The following R3HCC1L variants were observed in gnomAD, a reference collection of about 807,000 sequenced individuals.
The protein encoded by R3HCC1L is coiled-coil domain-containing protein R3HCC1L.
In R3HCC1L, 51 loss-of-function variants were observed where a neutral mutation model predicts 59.9. That is an observed-to-expected ratio of 0.85 (90% CI 0.68 to 1.07). R3HCC1L has a LOEUF of 1.07. Among genes scored for constraint, R3HCC1L ranks in the 50% least tolerant of loss-of-function variants. R3HCC1L has a pLI of 0.00. For missense variants in R3HCC1L, 965 were observed against 933.0 expected, an observed-to-expected ratio of 1.03 and a Z score of -0.45; for synonymous variants, 322 against 315.2, an observed-to-expected ratio of 1.02 and a Z score of -0.23.
intron 4 of R3HCC1L, among the ~76,000 whole-genome samples, chr10:98,194,177 C>T (rs1851166203): frequency 6.6e-6 from 1 of 151,990 alleles, no homozygotes; most frequent in East Asian, 1.9e-4. Context: ...AGAAATAAAC[C>T]CACGTATAGT....
chr10:98,151,559 ATATAAT>A (rs1236397150), intron 1 of R3HCC1L, among the ~76,000 whole-genome samples: 7 of 152,186 alleles, frequency 4.6e-5, no homozygotes, highest in African/African-American at 1.7e-4. Flanking sequence ...TTATGTTCCT[ATATAAT>A]TATGTCGCAT....
At chr10:98,237,040 G>A (rs1444182319) in intron 9 of R3HCC1L, among the ~76,000 whole-genome samples, 1 of 152,160 alleles carries the variant, frequency 6.6e-6, no homozygotes, top group African/African-American at 2.4e-5. Context: ...AATACGTCCT[G>A]TCCTCTCTGC....
rs1857882670 is a variant in R3HCC1L at position 98,244,355 on chromosome 10, C to A, written c.*197C>A. 1.9e-6 allele frequency: 1 copy of A among 516,254 alleles called. No individual in the cohort carries two copies. Among genetic ancestry groups the A allele is most frequent in the Non-Finnish European group, 3.5e-6 (1 of 289,702 alleles). 32.0% of individuals were successfully genotyped at this position (516,254 alleles called of 1,614,324 possible). On this transcript the variant is annotated 3_prime_UTR_variant, in exon 10 of 10. Transcript: ENST00000298999. Reference sequence around the variant, plus strand: ...TCCTAAATGCAGTTCTTTGGAATCACCCTACTGTGGTGGGCGTAGTAGGGA... The same window carrying A: ...TCCTAAATGCAGTTCTTTGGAATCAACCTACTGTGGTGGGCGTAGTAGGGA...
chr10:98,207,006 T>C (rs756107307), intron 4 of R3HCC1L, among the ~76,000 whole-genome samples: 2 of 152,340 alleles, frequency 1.3e-5, no homozygotes, highest in Non-Finnish European at 2.9e-5. Context: ...GCCATGAGAA[T>C]AGAGCTTTTT....
intron 4 of R3HCC1L, among the ~76,000 whole-genome samples, chr10:98,170,116 T>C (rs1848375329): frequency 6.6e-6 from 1 of 152,186 alleles, no homozygotes; most frequent in Non-Finnish European, 1.5e-5. Flanking sequence ...TCAGCACAAT[T>C]AACTTCCTGA....
intron 4 of R3HCC1L, among the ~76,000 whole-genome samples, chr10:98,201,329 GTTGCATAGTTTT>G (rs1371148994): frequency 1.3e-5 from 2 of 152,132 alleles, no homozygotes; most frequent in Non-Finnish European, 2.9e-5. Flanking sequence ...ATATCTTTCT[GTTGCATAGTTTT>G]TTGCATATCA....
intron 4 of R3HCC1L, among the ~76,000 whole-genome samples, chr10:98,167,632 C>T (rs1291837487): frequency 9.2e-5 from 14 of 152,220 alleles, no homozygotes; most frequent in Admixed American, 7.2e-4. Flanking sequence ...ATTTTTACCC[C>T]AACATAATTT....
chr10:98,192,234 G>A lies in R3HCC1L; in HGVS notation c.-14-15867G>A, dbSNP rs115550103. Among the ~76,000 whole-genome samples the A allele has an allele frequency of 7.5e-3, 1,143 of 151,756 alleles. 13 individuals carry two copies. Among genetic ancestry groups the A allele is most frequent in the African/African-American group, 0.026 (1,087 of 41,348 alleles). On this transcript the variant is annotated intron_variant, in intron 4 of 9. Transcript: ENST00000298999. Reference sequence around the variant, plus strand: ...GAAAAAAATTGGAAAAACTGGCTTAGGAACCTATGCTTTTAGGTAAGTCTT... The same window carrying A: ...GAAAAAAATTGGAAAAACTGGCTTAAGAACCTATGCTTTTAGGTAAGTCTT...
chr10:98,228,743 C>A (rs1855979596), intron 5 of R3HCC1L, among the ~76,000 whole-genome samples: 1 of 152,134 alleles, frequency 6.6e-6, no homozygotes, highest in South Asian at 2.1e-4. Context: ...TTTAATCCAT[C>A]TTGAATTAAT....
At chr10:98,226,691 C>G (rs1437484785) in intron 5 of R3HCC1L, among the ~76,000 whole-genome samples, 2 of 152,208 alleles carry the variant, frequency 1.3e-5, no homozygotes, top group Non-Finnish European at 2.9e-5. Context: ...GTAACCAAAA[C>G]AGTGTGGCAC....
intron 4 of R3HCC1L, among the ~76,000 whole-genome samples, chr10:98,187,013 C>T (rs770437012): frequency 2.0e-5 from 3 of 152,000 alleles, no homozygotes; most frequent in Non-Finnish European, 4.4e-5. Flanking sequence ...TAATTATATA[C>T]ACCTTGAAGA....
At chr10:98,186,203 A>ACT (rs1850211965) in intron 4 of R3HCC1L, among the ~76,000 whole-genome samples, 1 of 152,204 alleles carries the variant, frequency 6.6e-6, no homozygotes, top group Non-Finnish European at 1.5e-5. Context: ...TAAGTCAGAA[A>ACT]AAGAGAAAAG....
intron 4 of R3HCC1L, among the ~76,000 whole-genome samples, chr10:98,206,272 C>T (rs1054043644): frequency 6.8e-6 from 1 of 147,914 alleles, no homozygotes. Context: ...GCCTTTAGAT[C>T]TTTCTTTATG....
At chr10:98,239,444 C>T (rs529498373) in intron 9 of R3HCC1L, among the ~76,000 whole-genome samples, 36 of 152,096 alleles carry the variant, frequency 2.4e-4, no homozygotes, top group African/African-American at 3.4e-4. Flanking sequence ...TTCTTTCTCC[C>T]GCTTGAAGAC....
chr10:98,206,905 A>G (rs1226053654), intron 4 of R3HCC1L, among the ~76,000 whole-genome samples: 3 of 152,214 alleles, frequency 2.0e-5, no homozygotes, highest in Admixed American at 1.3e-4. Flanking sequence ...GTTAACTAAG[A>G]TACCAAAAGA....
chr10:98,173,612 A>G (rs1360443246), intron 4 of R3HCC1L, among the ~76,000 whole-genome samples: 2 of 152,024 alleles, frequency 1.3e-5, no homozygotes, highest in African/African-American at 4.8e-5. Flanking sequence ...ATTACTGAAG[A>G]GGTGTTTTTC....
At chr10:98,177,863 C>CT (rs1849199898) in intron 4 of R3HCC1L, among the ~76,000 whole-genome samples, 1 of 152,132 alleles carries the variant, frequency 6.6e-6, no homozygotes, top group African/African-American at 2.4e-5. Flanking sequence ...AATTTGCCCA[C>CT]TTTTTGATGG....
At chr10:98,219,394 C>T (rs1256993147) in intron 5 of R3HCC1L, among the ~76,000 whole-genome samples, 1 of 152,162 alleles carries the variant, frequency 6.6e-6, no homozygotes, top group Admixed American at 6.5e-5. Context: ...TTAATCTGTT[C>T]AGCCAAATTA....
chr10:98,198,250 A>G (rs1215138368), intron 4 of R3HCC1L, among the ~76,000 whole-genome samples: 1 of 152,138 alleles, frequency 6.6e-6, no homozygotes, highest in Non-Finnish European at 1.5e-5. Flanking sequence ...CTTAGTGCCC[A>G]GAAATCTTAT....
Sources: allele counts gnomAD v4.1 joint callset (sites outside exome capture counted in the v4.1 genomes callset), GRCh38; gene constraint gnomAD v4.1.1; transcripts MANE v1.5; gene names NCBI Gene and HGNC (gene_info 2026-07-23, HGNC 2026-07-21).